SNRPE: variants seen among roughly 807,000 people sequenced by gnomAD.
The protein encoded by SNRPE is small nuclear ribonucleoprotein E.
For missense variants in SNRPE, 53 were observed against 111.6 expected (o/e 0.48, Z 2.36); for synonymous variants, 35 against 36.7 (o/e 0.95, Z 0.17).
At chr1:203,867,488 C>G (rs1455923783) in intron 4 of SNRPE, among the ~76,000 whole-genome samples, 2 of 152,046 alleles carry the variant, frequency 1.3e-5, no homozygotes, top group East Asian at 1.9e-4. Flanking sequence ...AGTGGGAGCC[C>G]TGAGCCTGTT....
intron 3 of SNRPE, 23 bp downstream of exon 3, chr1:203,863,748 C>T (rs1690026868): frequency 6.7e-6 from 10 of 1,497,072 alleles, no homozygotes; most frequent in Non-Finnish European, 9.3e-6. Flanking sequence ...GCGATTTCAT[C>T]TCATAGCAGT....
In SNRPE at chr1:203,863,560, C is replaced by T. The variant is rs375488278; in HGVS notation, c.82-103C>T. The T allele has an allele frequency of 2.4e-5, 18 of 759,580 alleles. 1 individual carries two copies. In the African/African-American group the frequency reaches 3.1e-4, roughly 13 times the overall value. The allele number at this position is 759,580 out of a possible 1,614,324, so 47.1% of individuals were successfully genotyped here. ...GGTCTCTATCTCTTGACCTTGTGATCCACCTCCCTCGGCCTCCGAAAGTGC... is the reference window on the plus strand; with the variant it reads ...GGTCTCTATCTCTTGACCTTGTGATTCACCTCCCTCGGCCTCCGAAAGTGC... On this transcript the variant is annotated intron_variant, in intron 2 of 4. Transcript: ENST00000414487.
intron 4 of SNRPE, among the ~76,000 whole-genome samples, chr1:203,865,911 C>G (rs184181226): frequency 6.6e-6 from 1 of 152,170 alleles, no homozygotes; most frequent in South Asian, 2.1e-4. Flanking sequence ...GGAAGGGATG[C>G]GAAGCTTTTG....
intron 4 of SNRPE, among the ~76,000 whole-genome samples, chr1:203,868,701 ACT>A (rs1440537603): frequency 6.6e-6 from 1 of 151,868 alleles, no homozygotes; most frequent in Non-Finnish European, 1.5e-5. Context: ...ACGGAGTCTC[ACT>A]CTGTCTCCCA....
At chr1:203,865,762 G>A (rs957317810) in intron 4 of SNRPE, among the ~76,000 whole-genome samples, 1 of 152,122 alleles carries the variant, frequency 6.6e-6, no homozygotes, top group Admixed American at 6.5e-5. Flanking sequence ...CTATAAACTG[G>A]GTCCCATGAC....
In SNRPE at chr1:203,870,312, A is replaced by T. The variant is rs1690189444; in HGVS notation, c.*380A>T. ...CAGAAAAATAAATAAGAGTTATTGC[A>T]CTAACAAAAGTCTTCATCACTTGTA... On this transcript the variant is annotated 3_prime_UTR_variant, in exon 5 of 5. Transcript: ENST00000414487. 6.1e-6 allele frequency: 1 copy of T among 163,326 alleles called. No homozygotes were observed. Among genetic ancestry groups the T allele is most frequent in the Non-Finnish European group, 1.3e-5 (1 of 75,774 alleles). The allele number at this position is 163,326 out of a possible 1,614,324, so 10.1% of individuals were successfully genotyped here. A position where few individuals can be genotyped will look rare whatever the true frequency, so the allele number is the denominator to read the frequency against.
In SNRPE at chr1:203,869,824, A is replaced by G; in HGVS notation, c.224-53A>G. ...AAACTGGATACAAAATTCTGAGAGT[A>G]AAACATCTGAGTGTGTGGCTATTAA... On this transcript the variant is annotated intron_variant, in intron 4 of 4. Coordinates refer to ENST00000414487, the MANE Select transcript of SNRPE (RefSeq NM_003094.4). The G allele has an allele frequency of 8.6e-6, 11 of 1,281,780 alleles. No individual in the cohort carries two copies. The South Asian group carries it at 1.3e-4, about 15-fold the overall frequency. 79.4% of individuals were successfully genotyped at this position (1,281,780 alleles called of 1,614,324 possible).
intron 4 of SNRPE, among the ~76,000 whole-genome samples, chr1:203,869,410 A>G (rs955267087): frequency 1.4e-5 from 2 of 146,768 alleles, no homozygotes; most frequent in African/African-American, 2.5e-5. Flanking sequence ...GGATTCAAGC[A>G]ATTCTCCTGC....
chr1:203,861,633 C>T lies in SNRPE; in HGVS notation c.-27C>T, dbSNP rs756614135. On this transcript the variant is annotated 5_prime_UTR_variant, in exon 1 of 5. Transcript: ENST00000414487. ...GGAAGTTGCTCTCAGAGGCAGCGTG[C>T]GGGTGTGCTCTTTGTGAAATTCCAC... 9 of 1,596,968 alleles carry T rather than the reference C, an allele frequency of 5.6e-6. No homozygotes were observed. The highest frequency in any genetic ancestry group is 2.7e-5 in the African/African-American group (2 of 74,676).
At chr1:203,867,107 GAAAAA>G (rs71566135) in intron 4 of SNRPE, among the ~76,000 whole-genome samples, 2 of 52,902 alleles carry the variant, frequency 3.8e-5, no homozygotes, top group Admixed American at 3.8e-4. Flanking sequence ...TGTCTTTCCT[GAAAAA>G]AAAAAAAAAA....
intron 3 of SNRPE, 139 bp from the exon 4 acceptor site, chr1:203,864,897 AAAAAC>A: frequency 2.3e-6 from 1 of 438,624 alleles, no homozygotes; most frequent in African/African-American, 2.5e-5. Context: ...AAAAAAAAAA[AAAAAC>A]TTTGGGTGGA....
chr1:203,868,664 GTTAT>G (rs1319310337), intron 4 of SNRPE, among the ~76,000 whole-genome samples: 1 of 151,828 alleles, frequency 6.6e-6, no homozygotes, highest in African/African-American at 2.4e-5. Flanking sequence ...TAGATTTATT[GTTAT>G]TTATTTATTT....
At chr1:203,869,739 A>G (rs1330096722) in intron 4 of SNRPE, 138 bp from the exon 5 acceptor site, 10 of 622,300 alleles carry the variant, frequency 1.6e-5, no homozygotes, top group South Asian at 2.1e-5. Flanking sequence ...CTTTCACTAT[A>G]TGGACACTTG....
chr1:203,868,812 G>GA (rs72501017), intron 4 of SNRPE, among the ~76,000 whole-genome samples: 7 of 63,444 alleles, frequency 1.1e-4, no homozygotes, highest in Admixed American at 6.8e-4. Flanking sequence ...TGGGATTACA[G>GA]GGCATGCCAC....
chr1:203,862,660 G>A (rs1690000958), intron 2 of SNRPE, among the ~76,000 whole-genome samples: 1 of 152,178 alleles, frequency 6.6e-6, no homozygotes, highest in South Asian at 2.1e-4. Flanking sequence ...GACGAAAAAA[G>A]GAAGAGAGAA....
chr1:203,867,805 G>A (rs1572406671), intron 4 of SNRPE, among the ~76,000 whole-genome samples: 1 of 150,126 alleles, frequency 6.7e-6, no homozygotes, highest in Non-Finnish European at 1.5e-5. Flanking sequence ...TGGCCCAGGG[G>A]TTAGGAAGCC....
At chr1:203,862,627 T>C (rs1485996807) in intron 2 of SNRPE, among the ~76,000 whole-genome samples, 1 of 152,180 alleles carries the variant, frequency 6.6e-6, no homozygotes, top group African/African-American at 2.4e-5. Flanking sequence ...GTGGTGTGTT[T>C]AATACCTGTG....
At chr1:203,863,384 C>T (rs1277975400) in intron 2 of SNRPE, among the ~76,000 whole-genome samples, 1 of 152,068 alleles carries the variant, frequency 6.6e-6, no homozygotes, top group African/African-American at 2.4e-5. Context: ...GTGGCGCGAT[C>T]TCAGCTCACT....
Position 203,862,190 on chromosome 1 carries a change from GT to G in SNRPE, c.55-5del, listed in dbSNP as rs1689991983. On this transcript the variant is annotated splice_polypyrimidine_tract_variant and splice_region_variant and intron_variant, in intron 1 of 4. Coordinates refer to ENST00000414487, the MANE Select transcript of SNRPE (RefSeq NM_003094.4). ...TTGTATTTTTTCCTTAGCCACTGTG[GT>G]GCAGAACCTCATCTTCAGATACTTA... is the stretch of plus-strand genomic sequence containing the variant. 9.3e-6 allele frequency: 15 copies of G among 1,609,990 alleles called. No homozygotes were observed. Among genetic ancestry groups the G allele is most frequent in the Non-Finnish European group, 1.3e-5 (15 of 1,176,234 alleles).
Sources: allele counts gnomAD v4.1 joint callset (sites outside exome capture counted in the v4.1 genomes callset), GRCh38; gene constraint gnomAD v4.1.1; transcripts MANE v1.5; gene names NCBI Gene and HGNC (gene_info 2026-07-23, HGNC 2026-07-21).